The following HECTD4 variants were observed in gnomAD, a reference collection of about 807,000 sequenced individuals.
HECTD4 encodes probable E3 ubiquitin-protein ligase HECTD4.
Under a neutral mutation model 471.5 loss-of-function variants are expected in HECTD4, and 114 were observed. That is an observed-to-expected ratio of 0.24 (90% CI 0.21 to 0.28). The LOEUF (loss-of-function observed/expected upper bound fraction) is 0.28. HECTD4 is among the 10% of genes least tolerant of loss of function. The probability of loss-of-function intolerance (pLI) is 1.00; values close to 1 mark genes in which losing one functional copy is unlikely to be tolerated. For synonymous variants in HECTD4, 2,012 were observed against 2,256.0 expected, an observed-to-expected ratio of 0.89 and a Z score of 3.07; for missense variants, 3,866 against 5,651.5, an observed-to-expected ratio of 0.68 and a Z score of 10.13.
At chr12:112,174,837 G>T (rs759919751) in intron 66 of HECTD4, among the ~76,000 whole-genome samples, 1 of 152,180 alleles carries the variant, frequency 6.6e-6, no homozygotes, top group Non-Finnish European at 1.5e-5. Context: ...GTGAGGCACC[G>T]CGCCTGGCCT....
chr12:112,376,495 C>T (rs1023609280), intron 1 of HECTD4, among the ~76,000 whole-genome samples: 11 of 152,204 alleles, frequency 7.2e-5, no homozygotes, highest in African/African-American at 2.4e-4. Flanking sequence ...ATCTGCCCGC[C>T]GTGGCCTCCC....
At chr12:112,341,606 C>T (rs556598771) in intron 1 of HECTD4, among the ~76,000 whole-genome samples, 1 of 152,306 alleles carries the variant, frequency 6.6e-6, no homozygotes, top group African/African-American at 2.4e-5. Context: ...GTTATTTCTT[C>T]TGCTACATCA....
intron 1 of HECTD4, among the ~76,000 whole-genome samples, chr12:112,330,331 C>G (rs2135714440): frequency 6.6e-6 from 1 of 151,162 alleles, no homozygotes; most frequent in South Asian, 2.1e-4. Context: ...GGTTTGAATA[C>G]TATTGTACAT....
At chr12:112,371,934 C>T (rs532580961) in intron 1 of HECTD4, among the ~76,000 whole-genome samples, 1 of 147,448 alleles carries the variant, frequency 6.8e-6, no homozygotes, top group South Asian at 2.1e-4. Context: ...GCAGGGATCA[C>T]CAACCAAACA....
intron 18 of HECTD4, among the ~76,000 whole-genome samples, chr12:112,260,708 C>T (rs1237238443): frequency 1.3e-5 from 2 of 151,254 alleles, no homozygotes; most frequent in Non-Finnish European, 2.9e-5. Context: ...TCCTGAGTAG[C>T]TGGGACTACA....
chr12:112,224,866 C>T (rs973498762), intron 44 of HECTD4, among the ~76,000 whole-genome samples: 1 of 152,128 alleles, frequency 6.6e-6, no homozygotes, highest in Non-Finnish European at 1.5e-5. Context: ...CAGAAACAGT[C>T]CCATAGAAAA....
chr12:112,212,132 T>C (rs2032780672), intron 49 of HECTD4, among the ~76,000 whole-genome samples: 1 of 152,244 alleles, frequency 6.6e-6, no homozygotes, highest in African/African-American at 2.4e-5. Context: ...TCCAAGTTTC[T>C]GACATACTGA....
chr12:112,171,073 C>A (rs1480905298), intron 68 of HECTD4, 44 bp downstream of exon 68: 6 of 1,534,908 alleles, frequency 3.9e-6, no homozygotes, highest in East Asian at 2.3e-5. Flanking sequence ...TCTTGCAGGT[C>A]ACCTCTCTCT....
At chr12:112,329,877 G>GAGGT (rs1487124839) in intron 1 of HECTD4, among the ~76,000 whole-genome samples, 1 of 152,182 alleles carries the variant, frequency 6.6e-6, no homozygotes, top group African/African-American at 2.4e-5. Flanking sequence ...GAAGGCCTAA[G>GAGGT]AGGTAGGATC....
chr12:112,246,141 A>AAATAAAATAAAAT (rs1555253151), intron 29 of HECTD4, among the ~76,000 whole-genome samples: 1 of 148,900 alleles, frequency 6.7e-6, no homozygotes, highest in East Asian at 2.1e-4. Context: ...CAAAAAAATA[A>AAATAAAATAAAAT]AAAATAAAAT....
chr12:112,176,322 T>G (rs2031445368), intron 65 of HECTD4, among the ~76,000 whole-genome samples: 1 of 152,238 alleles, frequency 6.6e-6, no homozygotes, highest in South Asian at 2.1e-4. Flanking sequence ...TTCTTTATCC[T>G]GGGCATGCGG....
chr12:112,368,077 A>C (rs1341987291), intron 1 of HECTD4, among the ~76,000 whole-genome samples: 1 of 152,186 alleles, frequency 6.6e-6, no homozygotes, highest in African/African-American at 2.4e-5. Context: ...TAGCATTACT[A>C]AACCTACAAT....
chr12:112,342,690 T>C (rs1166019583), intron 1 of HECTD4, among the ~76,000 whole-genome samples: 2 of 152,216 alleles, frequency 1.3e-5, no homozygotes, highest in Admixed American at 6.5e-5. Context: ...AAAAAAACTC[T>C]AGTGCAAAAT....
intron 1 of HECTD4, among the ~76,000 whole-genome samples, chr12:112,354,512 CCT>C (rs1245910381): frequency 1.3e-5 from 2 of 152,140 alleles, no homozygotes; most frequent in Non-Finnish European, 2.9e-5. Context: ...CATGGTGAAA[CCT>C]CGTCTCTACA....
intron 1 of HECTD4, among the ~76,000 whole-genome samples, chr12:112,360,984 C>CAA (rs1195549482): frequency 3.4e-5 from 2 of 58,638 alleles, no homozygotes; most frequent in African/African-American, 6.5e-5. Flanking sequence ...AACTCCGTCT[C>CAA]AAAAAAAAAA....
At chr12:112,300,817 C>G (rs1164165786) in intron 7 of HECTD4, among the ~76,000 whole-genome samples, 2 of 151,948 alleles carry the variant, frequency 1.3e-5, no homozygotes, top group Non-Finnish European at 2.9e-5. Context: ...TCAGGCTGGT[C>G]TTGAACTTCT....
intron 25 of HECTD4, among the ~76,000 whole-genome samples, chr12:112,249,071 A>G (rs1328846166): frequency 1.3e-5 from 2 of 152,178 alleles, no homozygotes; most frequent in Non-Finnish European, 2.9e-5. Flanking sequence ...TAAAGCTGAA[A>G]ATCAAGAGTA....
chr12:112,265,626 TCC>T (rs1024589190), intron 15 of HECTD4, among the ~76,000 whole-genome samples: 1 of 152,172 alleles, frequency 6.6e-6, no homozygotes, highest in African/African-American at 2.4e-5. Flanking sequence ...CTAAGTAAGT[TCC>T]ATCTGTTATT....
chr12:112,323,856 A>C (rs542119843), intron 1 of HECTD4, among the ~76,000 whole-genome samples: 2 of 152,076 alleles, frequency 1.3e-5, no homozygotes, highest in South Asian at 4.2e-4. Flanking sequence ...CAACCAGACT[A>C]TAGTTGTATT....
Sources: allele counts gnomAD v4.1 joint callset (sites outside exome capture counted in the v4.1 genomes callset), GRCh38; gene constraint gnomAD v4.1.1; transcripts MANE v1.5; gene names NCBI Gene and HGNC (gene_info 2026-07-23, HGNC 2026-07-21).